POLR3D: variants seen among roughly 807,000 people sequenced by gnomAD.
The protein encoded by POLR3D is DNA-directed RNA polymerase III subunit RPC4.
Under a neutral mutation model 44.5 loss-of-function variants are expected in POLR3D, and 42 were observed. The ratio of observed to expected loss-of-function variants is 0.94; its 90% CI spans 0.74 to 1.22. The LOEUF is 1.22. POLR3D is among the 50% of genes most tolerant of loss of function. The probability of loss-of-function intolerance (pLI) is 0.00; values close to 1 mark genes in which losing one functional copy is unlikely to be tolerated. For missense variants in POLR3D, 507 were observed against 505.2 expected (o/e 1.00, Z -0.03); for synonymous variants, 217 against 198.1 (o/e 1.10, Z -0.80).
rs539827217 is a variant in POLR3D, at chr8:22,249,584, C to G, written c.921+275C>G. ...GTGGCTCATGCCTCTAATCCCAGCGCTTTGGGAGGCTGAGACAGGAGGATC... is the reference window on the plus strand; with the variant it reads ...GTGGCTCATGCCTCTAATCCCAGCGGTTTGGGAGGCTGAGACAGGAGGATC... On this transcript the variant is annotated intron_variant, in intron 7 of 8. Coordinates refer to ENST00000306433, the MANE Select transcript of POLR3D (RefSeq NM_001722.3). 8.5e-5 allele frequency among the ~76,000 whole-genome samples: 13 copies of G among 152,268 alleles called. No individual in the cohort carries two copies. The East Asian group carries it at 2.5e-3, about 29-fold the overall frequency.
chr8:22,249,180 G>A lies in POLR3D; in HGVS notation c.792G>A (p.Glu264=). 3.7e-6 allele frequency: 6 copies of A among 1,614,098 alleles called. No individual in the cohort carries two copies. The highest frequency in any genetic ancestry group is 5.1e-6 in the Non-Finnish European group (6 of 1,180,008). Residue 264 remains glutamate, a synonymous_variant, in exon 7 of 9, where the codon GAG becomes GAA. Coordinates refer to ENST00000306433, the MANE Select transcript of POLR3D (RefSeq NM_001722.3). ...LLRELSLTKE[E]ELLFLQLPDT... ...GGGAGCTGAGCCTCACCAAGGAAGA[G>A]GAACTGCTGTTTCTGCAGCTGCCAG...
chr8:22,248,514 C>G lies in POLR3D; in HGVS notation c.520C>G (p.Arg174Gly), dbSNP rs764734693. 3.7e-6 allele frequency: 6 copies of G among 1,614,032 alleles called. No homozygotes were observed. The highest frequency in any genetic ancestry group is 5.1e-6 in the Non-Finnish European group (6 of 1,180,036). ...LDDPGLRNDT[R>G]NMPVQLPLAH... The stretch of plus-strand genomic sequence containing the variant: ...TGACCCCGGCCTGAGGAACGACACT[C>G]GAAATATGCCTGTGCAGCTGCCGCT... Residue 174 changes from arginine (R) to glycine (G), a missense_variant, in exon 6 of 9, where the codon CGA becomes GGA. Coordinates refer to ENST00000306433, the MANE Select transcript of POLR3D (RefSeq NM_001722.3).
rs1450199640 is a variant in POLR3D at position 22,247,253 on chromosome 8, G to T, written c.198G>T (p.Lys66Asn). The T allele has an allele frequency of 2.5e-6, 4 of 1,613,358 alleles. No homozygotes were observed. Among genetic ancestry groups the T allele is most frequent in the Non-Finnish European group, 3.4e-6 (4 of 1,179,352 alleles). Reference sequence around the variant, plus strand: ...TCACCCCAAATATCATCAGTCGGAAGATCAAGGAAGAGTAAGTAGCTAGGC... The same window carrying T: ...TCACCCCAAATATCATCAGTCGGAATATCAAGGAAGAGTAAGTAGCTAGGC... Reference protein sequence around the residue: ...KTFTPNIISRKIKEEPKEEVT... With the variant: ...KTFTPNIISRNIKEEPKEEVT... Residue 66 changes from lysine to asparagine, a missense_variant, in exon 3 of 9, where the codon AAG becomes AAT. Lys to Asn is a moderately conservative substitution (Grantham distance 94). Coordinates refer to ENST00000306433, the MANE Select transcript of POLR3D (RefSeq NM_001722.3).
At chr8:22,247,776 G>A (rs554738004) in intron 3 of POLR3D, 81 bp from the exon 4 acceptor site, 205 of 1,320,096 alleles carry the variant, frequency 1.6e-4, no homozygotes, top group Admixed American at 2.2e-4. Flanking sequence ...CTGTTTTGGA[G>A]TGAAGTGGTA....
In POLR3D at chr8:22,249,104, C is replaced by T; in HGVS notation, c.716C>T (p.Ala239Val). ...AAGATGAAGGCTCCTCCCAAAGCAGCCAGGAAGACTCCAGGCCTCCCGAAG... is the reference window on the plus strand; with the variant it reads ...AAGATGAAGGCTCCTCCCAAAGCAGTCAGGAAGACTCCAGGCCTCCCGAAG... ...EAKMKAPPKA[A>V]RKTPGLPKDV... The change falls in exon 7 of 9, where the codon GCC becomes GTC. Residue 239 changes from alanine to valine, a missense_variant. By Grantham distance (64) the Ala-to-Val change is moderately conservative. Transcript: ENST00000306433. 1.2e-6 allele frequency: 2 copies of T among 1,613,894 alleles called. No individual in the cohort carries two copies. Among genetic ancestry groups the T allele is most frequent in the Non-Finnish European group, 1.7e-6 (2 of 1,179,944 alleles).
chr8:22,245,464 C>T lies in POLR3D; in HGVS notation c.15C>T (p.Asn5=), dbSNP rs778864976. ...TCCCAGGCAACATGTCGGAAGGAAA[C>T]GCCGCCGGCGAGCCCAGCACGCCGG... is the stretch of plus-strand genomic sequence containing the variant. MSEG[N]AAGEPSTPGG... Residue 5 remains asparagine, a synonymous_variant, in exon 2 of 9, where the codon AAC becomes AAT. Coordinates refer to ENST00000306433, the MANE Select transcript of POLR3D (RefSeq NM_001722.3). 3.8e-6 allele frequency: 5 copies of T among 1,308,828 alleles called. No individual in the cohort carries two copies. The highest frequency in any genetic ancestry group is 1.5e-5 in the African/African-American group (1 of 66,262). The allele number at this position is 1,308,828 out of a possible 1,614,324, so 81.1% of individuals were successfully genotyped here. A position where few individuals can be genotyped will look rare whatever the true frequency, so the allele number is the denominator to read the frequency against.
At position 22,248,655 on chromosome 8, in the gene POLR3D, C is replaced by T. The variant is rs763774187; in HGVS notation, c.655+6C>T. Reference sequence around the variant, plus strand: ...GGACATACCTGCTGTGAAAGGTACTCTGTCGGTTAACTTCTCATCTCCAAT... The same window carrying T: ...GGACATACCTGCTGTGAAAGGTACTTTGTCGGTTAACTTCTCATCTCCAAT... On this transcript the variant is annotated splice_donor_region_variant and intron_variant, in intron 6 of 8. Transcript: ENST00000306433. 16 of 1,610,062 alleles carry T rather than the reference C, an allele frequency of 9.9e-6. No homozygotes were observed. The highest frequency in any genetic ancestry group is 1.3e-5 in the Non-Finnish European group (15 of 1,178,284).
chr8:22,245,413 C>A, intron 1 of POLR3D, 32 bp from the exon 2 acceptor site: 1 of 1,308,420 alleles, frequency 7.6e-7, no homozygotes, highest in East Asian at 2.8e-5. Flanking sequence ...TGTCAGTCCC[C>A]TCTGGTGATC....
Position 22,250,632 on chromosome 8 carries a change from C to A in POLR3D, c.*114C>A. On this transcript the variant is annotated 3_prime_UTR_variant, in exon 9 of 9. Transcript: ENST00000306433. Reference sequence around the variant, plus strand: ...GGCCCACTGAGCCCACTCACTCCAGCCTTTGGCAACCATTGTTCCAGGTCC... The same window carrying A: ...GGCCCACTGAGCCCACTCACTCCAGACTTTGGCAACCATTGTTCCAGGTCC... 1.5e-6 allele frequency: 2 copies of A among 1,304,584 alleles called. No individual in the cohort carries two copies. The highest frequency in any genetic ancestry group is 1.4e-5 in the African/African-American group (1 of 69,222). The allele number at this position is 1,304,584 out of a possible 1,614,324, so 80.8% of individuals were successfully genotyped here.
In POLR3D at chr8:22,245,167, G is replaced by A. The variant is rs1002890766; in HGVS notation, c.-22G>A. ...CCCGGCGCGGAGACCGAAGGCTGGCGGCTGGTCGCGTTGCAGGTGAGGTTG... is the reference window on the plus strand; with the variant it reads ...CCCGGCGCGGAGACCGAAGGCTGGCAGCTGGTCGCGTTGCAGGTGAGGTTG... On this transcript the variant is annotated 5_prime_UTR_variant, in exon 1 of 9. Coordinates refer to ENST00000306433, the MANE Select transcript of POLR3D (RefSeq NM_001722.3). 3.4e-6 allele frequency: 2 copies of A among 587,522 alleles called. No individual in the cohort carries two copies. The highest frequency in any genetic ancestry group is 1.9e-5 in the African/African-American group (1 of 53,768). The allele number at this position is 587,522 out of a possible 1,614,324, so 36.4% of individuals were successfully genotyped here.
Position 22,245,606 on chromosome 8 carries a change from G to T in POLR3D, c.157G>T (p.Val53Phe). 1 of 1,256,280 alleles carries T rather than the reference G, an allele frequency of 8.0e-7. No individual in the cohort carries two copies. The highest frequency in any genetic ancestry group is 3.1e-5 in the East Asian group (1 of 32,352). 77.8% of individuals were successfully genotyped at this position (1,256,280 alleles called of 1,614,324 possible). A position where few individuals can be genotyped will look rare whatever the true frequency, so the allele number is the denominator to read the frequency against. The change falls in exon 2 of 9, where the codon GTC becomes TTC. Residue 53 changes from valine (V) to phenylalanine (F), a missense_variant. Val to Phe is a conservative substitution (Grantham distance 50, BLOSUM62 -1). Coordinates refer to ENST00000306433, the MANE Select transcript of POLR3D (RefSeq NM_001722.3). ...TTCCAGGGACCTCACCCTCGGGGGA[G>T]TCAAGAAGGTACCCAACGGCGCGTT... ...IRSRDLTLGG[V>F]KKKTFTPNII... is the part of the protein sequence containing the mutation.
In POLR3D at chr8:22,249,122, T is replaced by C. The variant is rs370868613; in HGVS notation, c.734T>C (p.Leu245Pro). The change falls in exon 7 of 9, where the codon CTC (leucine) becomes CCC (proline). Residue 245 changes from leucine to proline, a missense_variant. Coordinates refer to ENST00000306433, the MANE Select transcript of POLR3D (RefSeq NM_001722.3). ...PPKAARKTPG[L>P]PKDVSVAELL... is the part of the protein sequence containing the mutation. ...AAAGCAGCCAGGAAGACTCCAGGCC[T>C]CCCGAAGGATGTATCTGTGGCAGAG... 5.6e-6 allele frequency: 9 copies of C among 1,613,806 alleles called. No homozygotes were observed. The highest frequency in any genetic ancestry group is 1.3e-5 in the African/African-American group (1 of 74,834).
At chr8:22,245,994 T>A (rs1443982390) in intron 2 of POLR3D, among the ~76,000 whole-genome samples, 1 of 152,232 alleles carries the variant, frequency 6.6e-6, no homozygotes, top group Non-Finnish European at 1.5e-5. Flanking sequence ...ACTTTTTATC[T>A]AGAGTATGAT....
chr8:22,249,013 T>C (rs748698904), intron 6 of POLR3D, 31 bp from the exon 7 acceptor site: 8 of 1,611,378 alleles, frequency 5.0e-6, no homozygotes, highest in South Asian at 1.1e-5. Flanking sequence ...GGTGGTCACT[T>C]GATAGCATTC....
At chr8:22,245,361 G>A (rs1369403415) in intron 1 of POLR3D, 84 bp from the exon 2 acceptor site, 1 of 1,051,990 alleles carries the variant, frequency 9.5e-7, no homozygotes. Context: ...CACCGACTGG[G>A]GGACCGGAAA....
chr8:22,250,581 T>C lies in POLR3D; in HGVS notation c.*63T>C. ...GCTGCTGCCTGCTCCAGACATTTTG[T>C]TCTTGAATCTGTGAGACCCAGAAGG... On this transcript the variant is annotated 3_prime_UTR_variant, in exon 9 of 9. Transcript: ENST00000306433. 6.2e-7 allele frequency: 1 copy of C among 1,605,934 alleles called. No homozygotes were observed. Among genetic ancestry groups the C allele is most frequent in the African/African-American group, 1.3e-5 (1 of 74,932 alleles).
chr8:22,249,993 C>A, intron 7 of POLR3D, 82 bp from the exon 8 acceptor site: 1 of 1,516,894 alleles, frequency 6.6e-7, no homozygotes, highest in Non-Finnish European at 9.0e-7. Context: ...CTGTGCCTTT[C>A]TCTTGGGGAG....
At position 22,253,693 on chromosome 8, in the gene POLR3D, CTGTTT is replaced by C. The variant is rs1344445041; in HGVS notation, c.*3182_*3186del. On this transcript the variant is annotated 3_prime_UTR_variant, in exon 9 of 9. Coordinates refer to ENST00000306433, the MANE Select transcript of POLR3D (RefSeq NM_001722.3). ...TAGTTTTGTTTTGTTTTGTTTTGTT[CTGTTT>C]TGTTTTTTGAGATGGAGTCTCACTC... is the stretch of plus-strand genomic sequence containing the variant. 1 of 151,816 alleles carries C rather than the reference CTGTTT, an allele frequency of 6.6e-6. No individual in the cohort carries two copies. The highest frequency in any genetic ancestry group is 2.4e-5 in the African/African-American group (1 of 41,310). The allele number at this position is 151,816 out of a possible 1,614,324, so 9.4% of individuals were successfully genotyped here.
rs977748424 is a variant in POLR3D, at chr8:22,248,511, A to C, written c.517A>C (p.Thr173Pro). 26 of 1,613,994 alleles carry C rather than the reference A, an allele frequency of 1.6e-5. No individual in the cohort carries two copies. Among genetic ancestry groups the C allele is most frequent in the Non-Finnish European group, 1.9e-5 (22 of 1,180,018 alleles). The change falls in exon 6 of 9, where the codon ACT becomes CCT. Residue 173 changes from threonine to proline, a missense_variant. By Grantham distance (38) the Thr-to-Pro change is conservative. Coordinates refer to ENST00000306433, the MANE Select transcript of POLR3D (RefSeq NM_001722.3). Reference sequence around the variant, plus strand: ...CGATGACCCCGGCCTGAGGAACGACACTCGAAATATGCCTGTGCAGCTGCC... The same window carrying C: ...CGATGACCCCGGCCTGAGGAACGACCCTCGAAATATGCCTGTGCAGCTGCC... ...FLDDPGLRND[T>P]RNMPVQLPLA... is the part of the protein sequence containing the mutation.
Sources: gnomAD v4.1 joint callset for allele counts (sites outside exome capture counted in the v4.1 genomes callset) on GRCh38, gnomAD v4.1.1 for gene constraint, MANE v1.5 for transcripts, NCBI Gene and HGNC (gene_info 2026-07-23, HGNC 2026-07-21) for gene names.